The following GABRB3 variants were observed in gnomAD, a reference collection of about 807,000 sequenced individuals.
The protein encoded by GABRB3 is gamma-aminobutyric acid type A receptor subunit beta3, also known as gamma-aminobutyric acid receptor subunit beta-3.
GABRB3 carries 14 observed loss-of-function variants against 52.1 expected under a neutral mutation model. That is an observed-to-expected ratio of 0.27 (90% CI 0.18 to 0.42). The LOEUF (loss-of-function observed/expected upper bound fraction) is 0.42. Ranked by LOEUF, GABRB3 falls within the 10% of genes least tolerant of loss-of-function variation. GABRB3 has a pLI of 1.00. For synonymous variants in GABRB3, 260 were observed against 232.3 expected (o/e 1.12, Z -1.08); for missense variants, 307 against 609.1 (o/e 0.50, Z 5.22).
chr15:26,764,045 G>C (rs1469092055), intron 3 of GABRB3, among the ~76,000 whole-genome samples: 2 of 150,128 alleles, frequency 1.3e-5, no homozygotes, highest in Non-Finnish European at 3.0e-5. Flanking sequence ...AGCTACTGGA[G>C]AGGCTGAGGC....
intron 8 of GABRB3, among the ~76,000 whole-genome samples, chr15:26,556,263 G>A (rs1354554464): frequency 6.6e-6 from 1 of 152,136 alleles, no homozygotes; most frequent in African/African-American, 2.4e-5. Context: ...ATAGCACAGA[G>A]AGATTTTTTG....
intron 3 of GABRB3, among the ~76,000 whole-genome samples, chr15:26,714,683 A>G (rs149762120): frequency 6.6e-6 from 1 of 152,332 alleles, no homozygotes; most frequent in East Asian, 1.9e-4. Flanking sequence ...AATGGGAGGC[A>G]GGTTGACCCT....
At chr15:26,709,253 G>A (rs1216911688) in intron 3 of GABRB3, among the ~76,000 whole-genome samples, 2 of 152,144 alleles carry the variant, frequency 1.3e-5, no homozygotes, top group Admixed American at 1.3e-4. Context: ...TGCGGGTGGA[G>A]ACCTCATGAA....
chr15:26,738,688 C>T (rs541996638), intron 3 of GABRB3, among the ~76,000 whole-genome samples: 8 of 152,170 alleles, frequency 5.3e-5, no homozygotes, highest in African/African-American at 1.9e-4. Context: ...ACCTCCCATC[C>T]TACCTTGGAA....
rs552095349 is a variant in GABRB3 at position 26,569,023 on chromosome 15, G to A, written c.683-1290C>T. ...TAGCAGGTGCCTTCTTTCTGAAGCT[G>A]CCCACACCCTAAACTCCAAGAGGCC... On this transcript the variant is annotated intron_variant, in intron 6 of 8. Transcript: ENST00000311550. 2.6e-5 allele frequency among the ~76,000 whole-genome samples: 4 copies of A among 152,160 alleles called. No homozygotes were observed. The East Asian group carries it at 7.7e-4, about 29-fold the overall frequency.
At chr15:26,615,546 G>A (rs747859166) in intron 4 of GABRB3, 2 of 697,004 alleles carry the variant, frequency 2.9e-6, no homozygotes, top group Non-Finnish European at 3.6e-6. Context: ...TCACTCTCAA[G>A]CATCTGCGTG....
chr15:26,663,709 T>C (rs577877251), intron 3 of GABRB3, among the ~76,000 whole-genome samples: 84 of 152,342 alleles, frequency 5.5e-4, no homozygotes, highest in Non-Finnish European at 1.0e-3. Flanking sequence ...ATATTTAAAA[T>C]AGATATTTTA....
intron 8 of GABRB3, among the ~76,000 whole-genome samples, chr15:26,559,292 A>G (rs1341268030): frequency 4.6e-5 from 7 of 152,146 alleles, no homozygotes; most frequent in Non-Finnish European, 1.0e-4. Flanking sequence ...TACTTTTGCC[A>G]TGTAAGTTGC....
intron 3 of GABRB3, among the ~76,000 whole-genome samples, chr15:26,760,019 G>A (rs1348616674): frequency 6.6e-6 from 1 of 152,188 alleles, no homozygotes; most frequent in Non-Finnish European, 1.5e-5. Flanking sequence ...GCATGGATTC[G>A]GATGTTAAAT....
intron 6 of GABRB3, among the ~76,000 whole-genome samples, chr15:26,573,618 C>A (rs1268176427): frequency 6.6e-6 from 1 of 152,148 alleles, no homozygotes; most frequent in Non-Finnish European, 1.5e-5. Flanking sequence ...GCAAGAACAC[C>A]ATAAGTGGCA....
intron 3 of GABRB3, among the ~76,000 whole-genome samples, chr15:26,707,032 T>C (rs1467351247): frequency 1.3e-5 from 2 of 152,216 alleles, no homozygotes; most frequent in Non-Finnish European, 2.9e-5. Context: ...GGTTTCCACC[T>C]TGGAGGCACT....
chr15:26,593,647 T>G (rs1203542053), intron 4 of GABRB3, among the ~76,000 whole-genome samples: 1 of 152,144 alleles, frequency 6.6e-6, no homozygotes, highest in African/African-American at 2.4e-5. Flanking sequence ...TGTACAAGAA[T>G]TTCATACAAT....
chr15:26,709,667 A>G (rs986211097), intron 3 of GABRB3, among the ~76,000 whole-genome samples: 1 of 151,234 alleles, frequency 6.6e-6, no homozygotes, highest in Admixed American at 6.6e-5. Flanking sequence ...CCAGGTGCCC[A>G]CCACCACGCC....
At chr15:26,624,379 C>T (rs1042874403) in intron 3 of GABRB3, 5 of 985,376 alleles carry the variant, frequency 5.1e-6, no homozygotes, top group South Asian at 9.4e-5. Flanking sequence ...CTCCTAACCC[C>T]GCATGCTTAC....
At chr15:26,748,759 C>T (rs141833442) in intron 3 of GABRB3, among the ~76,000 whole-genome samples, 7 of 151,608 alleles carry the variant, frequency 4.6e-5, no homozygotes, top group Non-Finnish European at 1.0e-4. Context: ...GGCACAGGGG[C>T]TCATGCCTGT....
intron 3 of GABRB3, among the ~76,000 whole-genome samples, chr15:26,634,916 TCC>T (rs1893008006): frequency 6.9e-6 from 1 of 144,178 alleles, no homozygotes; most frequent in Non-Finnish European, 1.5e-5. Flanking sequence ...TATATCTCTC[TCC>T]AAATATTAGA....
At chr15:26,734,586 A>G (rs1890017741) in intron 3 of GABRB3, among the ~76,000 whole-genome samples, 1 of 151,556 alleles carries the variant, frequency 6.6e-6, no homozygotes, top group Non-Finnish European at 1.5e-5. Context: ...TTAAGGATAC[A>G]ATGAACAATG....
At chr15:26,707,374 A>T (rs147280445) in intron 3 of GABRB3, among the ~76,000 whole-genome samples, 3 of 152,342 alleles carry the variant, frequency 2.0e-5, no homozygotes, top group Non-Finnish European at 4.4e-5. Flanking sequence ...AGTCCAGGCA[A>T]GAAATGGCAA....
In GABRB3 at chr15:26,675,880, G is replaced by A. The variant is rs887451433; in HGVS notation, c.241-54346C>T. On this transcript the variant is annotated intron_variant, in intron 3 of 8. Coordinates refer to ENST00000311550, the MANE Select transcript of GABRB3 (RefSeq NM_000814.6). ...CGAAGACAGTCAGATATCCAGGGTT[G>A]GGGGTTCTGGTCGAAATGATTTCGC... Among the ~76,000 whole-genome samples the A allele has an allele frequency of 2.6e-5, 4 of 152,172 alleles. 1 individual carries two copies. In the South Asian group the frequency reaches 8.3e-4, roughly 32 times the overall value.
Sources: gnomAD v4.1 joint callset for allele counts (sites outside exome capture counted in the v4.1 genomes callset) on GRCh38, gnomAD v4.1.1 for gene constraint, MANE v1.5 for transcripts, NCBI Gene and HGNC (gene_info 2026-07-23, HGNC 2026-07-21) for gene names.